Variants in ANKMY1 observed in about 807,000 individuals in gnomAD.
ANKMY1 encodes the protein ankyrin repeat and MYND domain containing 1, also known as ankyrin repeat and MYND domain-containing protein 1.
A neutral mutation model predicts 102.0 loss-of-function variants in ANKMY1; 98 were observed. That is an observed-to-expected ratio of 0.96 (90% CI 0.82 to 1.14). The LOEUF (loss-of-function observed/expected upper bound fraction) is 1.14. Among genes scored for constraint, ANKMY1 ranks in the 50% most tolerant of loss-of-function variants. The probability of loss-of-function intolerance (pLI) is 0.00; values close to 1 mark genes in which losing one functional copy is unlikely to be tolerated. For synonymous variants in ANKMY1, 582 were observed against 559.9 expected (o/e 1.04, Z -0.56); for missense variants, 1,330 against 1,347.6 (o/e 0.99, Z 0.20).
intron 4 of ANKMY1, among the ~76,000 whole-genome samples, chr2:240,536,734 AG>A (rs1367733468): frequency 6.6e-6 from 1 of 152,258 alleles, no homozygotes; most frequent in Non-Finnish European, 1.5e-5. Context: ...AAAATATACA[AG>A]AAGTCTTATA....
chr2:240,490,227 A>C (rs1365030370), intron 15 of ANKMY1, among the ~76,000 whole-genome samples: 3 of 152,174 alleles, frequency 2.0e-5, no homozygotes, highest in African/African-American at 7.2e-5. Context: ...TTAAAGAATC[A>C]ACTTTTTATT....
chr2:240,555,953 G>A (rs1030279584), intron 2 of ANKMY1, among the ~76,000 whole-genome samples: 23 of 152,202 alleles, frequency 1.5e-4, no homozygotes, highest in African/African-American at 5.5e-4. Context: ...AGGGCCTTCC[G>A]TTCTCAGCTG....
At chr2:240,539,907 C>A (rs1334587122) in intron 4 of ANKMY1, among the ~76,000 whole-genome samples, 1 of 152,150 alleles carries the variant, frequency 6.6e-6, no homozygotes, top group Non-Finnish European at 1.5e-5. Flanking sequence ...CCTTGCTATA[C>A]CCCCTCCCTT....
intron 4 of ANKMY1, among the ~76,000 whole-genome samples, chr2:240,535,851 C>T (rs2152473911): frequency 6.6e-6 from 1 of 151,524 alleles, no homozygotes; most frequent in Middle Eastern, 3.4e-3. Context: ...CCACCACACC[C>T]CCCTAAATAG....
intron 7 of ANKMY1, 44 bp from the exon 8 acceptor site, chr2:240,524,425 G>A (rs1575147355): frequency 6.4e-7 from 1 of 1,553,696 alleles, no homozygotes; most frequent in Non-Finnish European, 8.7e-7. Flanking sequence ...AAATTGGAGT[G>A]ATAACCTCAT....
chr2:240,552,713 T>A lies in ANKMY1; in HGVS notation c.480+201A>T. 5.4e-6 allele frequency: 4 copies of A among 743,276 alleles called. No homozygotes were observed. In the South Asian group the frequency reaches 5.6e-5, roughly 10 times the overall value. The allele number at this position is 743,276 out of a possible 1,614,324, so 46.0% of individuals were successfully genotyped here. A position where few individuals can be genotyped will look rare whatever the true frequency, so the allele number is the denominator to read the frequency against. Reference sequence around the variant, plus strand: ...AAGGACATGTAACAATTTGCTGGTATCCCTCTGGGGAATAAAATGCAAGGA... The same window carrying A: ...AAGGACATGTAACAATTTGCTGGTAACCCTCTGGGGAATAAAATGCAAGGA... On this transcript the variant is annotated intron_variant, in intron 4 of 17. Coordinates refer to ENST00000401804, the MANE Select transcript of ANKMY1 (RefSeq NM_001282771.3).
At chr2:240,560,897 CGACGACCCGGCT>C (rs776958679), upstream of ANKMY1, 132 of 1,521,716 alleles carry the variant, frequency 8.7e-5, no homozygotes, top group Non-Finnish European at 1.1e-4. Flanking sequence ...TGCCCGTGTT[CGACGACCCGGCT>C]GAGGACCTGC....
intron 11 of ANKMY1, 116 bp from the exon 12 acceptor site, chr2:240,509,571 G>T: frequency 1.4e-6 from 1 of 722,436 alleles, no homozygotes; most frequent in Non-Finnish European, 2.3e-6. Flanking sequence ...GCTACTTCCT[G>T]CCAACCATTA....
chr2:240,555,201 G>A, intron 2 of ANKMY1, 146 bp from the exon 3 acceptor site: 2 of 830,358 alleles, frequency 2.4e-6, no homozygotes, highest in South Asian at 3.4e-5. Flanking sequence ...ACTCCACTTG[G>A]AGAGAAAACC....
chr2:240,498,750 C>A (rs954013734), intron 15 of ANKMY1, among the ~76,000 whole-genome samples: 1 of 152,036 alleles, frequency 6.6e-6, no homozygotes, highest in African/African-American at 2.4e-5. Context: ...GAGATGGATC[C>A]CTCATGAGTA....
At chr2:240,525,576 C>A in intron 7 of ANKMY1, 109 bp downstream of exon 7, 2 of 1,363,124 alleles carry the variant, frequency 1.5e-6, no homozygotes, top group East Asian at 5.0e-5. Context: ...TATAACTCAC[C>A]CTGTACAAGC....
intron 15 of ANKMY1, among the ~76,000 whole-genome samples, chr2:240,491,091 C>CTTTTTTTTTT (rs200434647): frequency 7.7e-6 from 1 of 129,580 alleles, no homozygotes; most frequent in Non-Finnish European, 1.7e-5. Flanking sequence ...ATGACTTTGT[C>CTTTTTTTTTT]TTTTTTTTTT....
In ANKMY1 at chr2:240,503,330, G is replaced by A. The variant is rs367681793; in HGVS notation, c.2527-2765C>T. On this transcript the variant is annotated intron_variant, in intron 13 of 17. Transcript: ENST00000401804. ...GAAATGTTCGTGAGAAGAGGATTTTGTCCCCCTGGAGGGGACTTTCTGAAG... is the reference window on the plus strand; with the variant it reads ...GAAATGTTCGTGAGAAGAGGATTTTATCCCCCTGGAGGGGACTTTCTGAAG... 3.2e-3 allele frequency among the ~76,000 whole-genome samples: 489 copies of A among 152,344 alleles called. 2 individuals are homozygous for A. Among genetic ancestry groups the A allele is most frequent in the African/African-American group, 0.011 (473 of 41,582 alleles).
intron 13 of ANKMY1, among the ~76,000 whole-genome samples, chr2:240,501,150 C>T (rs1272017319): frequency 1.3e-5 from 2 of 150,568 alleles, no homozygotes; most frequent in East Asian, 3.9e-4. Context: ...AGTGGGTGAG[C>T]GTGTGTGGAT....
chr2:240,551,129 C>G (rs1270168778), intron 4 of ANKMY1, among the ~76,000 whole-genome samples: 1 of 151,474 alleles, frequency 6.6e-6, no homozygotes, highest in East Asian at 1.9e-4. Context: ...ACTCAGCTAA[C>G]AGAACACTGG....
chr2:240,493,713 C>T (rs965386286), intron 15 of ANKMY1, among the ~76,000 whole-genome samples: 2 of 152,252 alleles, frequency 1.3e-5, no homozygotes, highest in African/African-American at 2.4e-5. Context: ...GGCCAATCTT[C>T]AGGCCCCAGA....
chr2:240,531,094 C>T (rs2152437768), intron 4 of ANKMY1, among the ~76,000 whole-genome samples: 1 of 152,192 alleles, frequency 6.6e-6, no homozygotes, highest in Admixed American at 6.5e-5. Flanking sequence ...CAAATAAACA[C>T]TTCACCATAG....
chr2:240,554,710 G>T, intron 3 of ANKMY1, 156 bp downstream of exon 3: 1 of 853,358 alleles, frequency 1.2e-6, no homozygotes, highest in Non-Finnish European at 1.8e-6. Context: ...TGGGAAAGAT[G>T]CTTTTCTCTG....
chr2:240,520,711 A>T lies in ANKMY1; in HGVS notation c.1833-178T>A, dbSNP rs1202365695. Among the ~76,000 whole-genome samples, 3 of 151,190 alleles carry T rather than the reference A, an allele frequency of 2.0e-5. No homozygotes were observed. Among genetic ancestry groups the T allele is most frequent in the Non-Finnish European group, 4.4e-5 (3 of 67,738 alleles). ...CACGCAGACACACCACACAGCACAC[A>T]ACTACACACAAGCCACACCAGAGCG... On this transcript the variant is annotated intron_variant, in intron 8 of 17. Transcript: ENST00000401804. This position sits in a 1 kb window ranked among gnomAD's most constrained non-coding sequence, Gnocchi z 4.8.
Sources: allele counts gnomAD v4.1 joint callset (sites outside exome capture counted in the v4.1 genomes callset), GRCh38; gene constraint gnomAD v4.1.1; non-coding constraint Gnocchi (gnomAD v3.1); transcripts MANE v1.5; gene names NCBI Gene and HGNC (gene_info 2026-07-23, HGNC 2026-07-21).